PKNOX2: variants seen among roughly 807,000 people sequenced by gnomAD.
PKNOX2 encodes the protein PBX/knotted 1 homeobox 2, also known as homeobox protein PKNOX2.
In PKNOX2, 14 loss-of-function variants were observed where a neutral mutation model predicts 53.1. The ratio of observed to expected loss-of-function variants is 0.26; its 90% confidence interval spans 0.17 to 0.41. PKNOX2 has a LOEUF of 0.41. PKNOX2 is among the 10% of genes least tolerant of loss of function. The pLI, the probability that PKNOX2 is intolerant of heterozygous loss-of-function variation, is 1.00. For missense variants in PKNOX2, 496 were observed against 602.8 expected, an observed-to-expected ratio of 0.82 and a Z score of 1.85; for synonymous variants, 257 against 242.8, an observed-to-expected ratio of 1.06 and a Z score of -0.54.
At chr11:125,175,466 C>T (rs1372788170) in intron 1 of PKNOX2, among the ~76,000 whole-genome samples, 3 of 152,198 alleles carry the variant, frequency 2.0e-5, no homozygotes, top group African/African-American at 7.2e-5. Context: ...TCCCTGAGCT[C>T]TGTGATTTCT....
chr11:125,188,763 C>T (rs898081913), intron 1 of PKNOX2, among the ~76,000 whole-genome samples: 2 of 152,094 alleles, frequency 1.3e-5, no homozygotes, highest in Non-Finnish European at 2.9e-5. Context: ...AGTTTCTGCT[C>T]AAATTTCTGG....
intron 1 of PKNOX2, among the ~76,000 whole-genome samples, chr11:125,201,423 C>T (rs1938426614): frequency 6.6e-6 from 1 of 151,996 alleles, no homozygotes; most frequent in African/African-American, 2.4e-5. Flanking sequence ...GTTCTGGGGA[C>T]TTCCAGATGA....
At chr11:125,320,530 A>G (rs1283761264) in intron 2 of PKNOX2, among the ~76,000 whole-genome samples, 3 of 152,138 alleles carry the variant, frequency 2.0e-5, no homozygotes, top group Admixed American at 1.3e-4. Context: ...TGCCCTGTCA[A>G]GCTAGGCATA....
chr11:125,388,806 A>G (rs1480384564), intron 6 of PKNOX2, among the ~76,000 whole-genome samples: 1 of 152,158 alleles, frequency 6.6e-6, no homozygotes, highest in Non-Finnish European at 1.5e-5. Flanking sequence ...CCCAGATTGT[A>G]GATTTCAGTG....
intron 2 of PKNOX2, among the ~76,000 whole-genome samples, chr11:125,269,406 T>A (rs1300614660): frequency 6.6e-6 from 1 of 152,226 alleles, no homozygotes; most frequent in East Asian, 1.9e-4. Flanking sequence ...TTAATGCTGT[T>A]ACAAACACAT....
intron 2 of PKNOX2, among the ~76,000 whole-genome samples, chr11:125,292,380 G>A (rs1947359613): frequency 6.6e-6 from 1 of 152,204 alleles, no homozygotes; most frequent in Non-Finnish European, 1.5e-5. Flanking sequence ...TTCTGGAGTG[G>A]CAGTGGCAGC....
rs570213773 is a variant in PKNOX2, at chr11:125,384,691, A to C, written c.228-860A>C. The stretch of plus-strand genomic sequence containing the variant: ...CAGAGCGAGACTCCGTCTCAAAAAA[A>C]ACAAAAAGATCCATAGAGCCATTTA... On this transcript the variant is annotated intron_variant, in intron 5 of 12. Transcript: ENST00000298282. 1.9e-3 allele frequency among the ~76,000 whole-genome samples: 282 copies of C among 152,284 alleles called. 1 individual carries two copies. Among genetic ancestry groups the C allele is most frequent in the Admixed American group, 0.016 (250 of 15,300 alleles).
intron 2 of PKNOX2, among the ~76,000 whole-genome samples, chr11:125,247,906 G>A (rs945416621): frequency 6.6e-6 from 1 of 151,998 alleles, no homozygotes; most frequent in Non-Finnish European, 1.5e-5. Flanking sequence ...TTCCCATCCC[G>A]CTAGCTCCTA....
chr11:125,295,463 T>C (rs1001518438), intron 2 of PKNOX2, among the ~76,000 whole-genome samples: 55 of 152,178 alleles, frequency 3.6e-4, no homozygotes, highest in Admixed American at 1.8e-3. Flanking sequence ...TGTGCATGTG[T>C]GTGTGTGCCT....
At chr11:125,256,535 T>C (rs1400716943) in intron 2 of PKNOX2, among the ~76,000 whole-genome samples, 2 of 152,148 alleles carry the variant, frequency 1.3e-5, no homozygotes, top group East Asian at 3.9e-4. Context: ...CTCCATCCAG[T>C]GAGTTCCTGG....
At chr11:125,344,477 G>C (rs912540349) in intron 3 of PKNOX2, among the ~76,000 whole-genome samples, 1 of 152,000 alleles carries the variant, frequency 6.6e-6, no homozygotes, top group Non-Finnish European at 1.5e-5. Context: ...GGCTGAAGGA[G>C]GATTGAGGGA....
At chr11:125,210,742 G>A (rs930472923) in intron 1 of PKNOX2, among the ~76,000 whole-genome samples, 22 of 151,994 alleles carry the variant, frequency 1.4e-4, no homozygotes, top group South Asian at 2.1e-4. Flanking sequence ...TCACTGTCCC[G>A]CCTCCTACTT....
intron 2 of PKNOX2, among the ~76,000 whole-genome samples, chr11:125,301,393 A>G (rs1261350503): frequency 2.0e-5 from 3 of 151,914 alleles, no homozygotes; most frequent in South Asian, 4.2e-4. Context: ...CCTCCCAAGC[A>G]GGGTAGACTT....
chr11:125,315,248 C>T (rs1456474264), intron 2 of PKNOX2, among the ~76,000 whole-genome samples: 1 of 148,266 alleles, frequency 6.7e-6, no homozygotes, highest in Non-Finnish European at 1.5e-5. Flanking sequence ...AATCAGAGTC[C>T]TCATTAACCC....
chr11:125,200,911 T>G (rs1238694215), intron 1 of PKNOX2, among the ~76,000 whole-genome samples: 1 of 152,202 alleles, frequency 6.6e-6, no homozygotes, highest in African/African-American at 2.4e-5. Context: ...GACCGTGTGA[T>G]CCTCATGGGC....
At chr11:125,350,674 C>G (rs1951250324) in intron 3 of PKNOX2, among the ~76,000 whole-genome samples, 1 of 152,204 alleles carries the variant, frequency 6.6e-6, no homozygotes, top group Non-Finnish European at 1.5e-5. Context: ...TTCCCTTCCC[C>G]AAGGCCTCCA....
rs7102631 is a variant in PKNOX2 at position 125,387,914 on chromosome 11, C to T, written c.399+2192C>T. Among the ~76,000 whole-genome samples the T allele has an allele frequency of 3.6e-3, 550 of 151,990 alleles. 3 individuals carry two copies. Among genetic ancestry groups the T allele is most frequent in the African/African-American group, 0.013 (535 of 41,422 alleles). ...TGGATGACTTAACTCCTTTGAAGCT[C>T]GGTTTCCTCATCTGTAGATCTAACA... On this transcript the variant is annotated intron_variant, in intron 6 of 12. Coordinates refer to ENST00000298282, the MANE Select transcript of PKNOX2 (RefSeq NM_001382323.2).
At position 125,429,224 on chromosome 11, in the gene PKNOX2, C is replaced by G. The variant is rs570079884; in HGVS notation, c.1013+136C>G. ...AGCCCAGCTACCATGCCAGTCCCCC[C>G]ATTTAGGCTAGAAGCAGAAAGCAAG... On this transcript the variant is annotated intron_variant, in intron 11 of 12. Transcript: ENST00000298282. 72 of 831,670 alleles carry G rather than the reference C, an allele frequency of 8.7e-5. No individual in the cohort carries two copies. In the South Asian group the frequency reaches 1.1e-3, roughly 13 times the overall value. The allele number at this position is 831,670 out of a possible 1,614,324, so 51.5% of individuals were successfully genotyped here.
intron 2 of PKNOX2, among the ~76,000 whole-genome samples, chr11:125,268,602 A>G (rs564739956): frequency 3.3e-5 from 5 of 152,324 alleles, no homozygotes; most frequent in African/African-American, 7.2e-5. Flanking sequence ...AAGTCAATCA[A>G]TGCTGGCTTT....
Sources: allele counts gnomAD v4.1 joint callset (sites outside exome capture counted in the v4.1 genomes callset), GRCh38; gene constraint gnomAD v4.1.1; transcripts MANE v1.5; gene names NCBI Gene and HGNC (gene_info 2026-07-23, HGNC 2026-07-21).